Variants in DCPH1 observed in about 807,000 individuals in gnomAD.
DCPH1 encodes damage control phosphatase 1, also known as damage-control phosphatase 1.
chr6:151,457,272 C>T, the DCPH1 span, among the ~76,000 whole-genome samples: 851 of 152,292 alleles, frequency 5.6e-3, 1 homozygote, highest in Non-Finnish European at 8.1e-3. Context: ...TTCTCTGGCC[C>T]TGAGGTTAGT....
At chr6:151,461,127 C>T in the DCPH1 span, among the ~76,000 whole-genome samples, 1 of 152,130 alleles carries the variant, frequency 6.6e-6, no homozygotes, top group Admixed American at 6.5e-5. Context: ...GTCTGAAATT[C>T]GGGGTGATGG....
the DCPH1 span, chr6:151,464,435 G>A: frequency 1.9e-6 from 3 of 1,582,398 alleles, no homozygotes; most frequent in African/African-American, 2.7e-5. Flanking sequence ...GTTTCACTTT[G>A]TTTTTCTCCT....
At chr6:151,462,188 T>C in the DCPH1 span, among the ~76,000 whole-genome samples, 6 of 152,204 alleles carry the variant, frequency 3.9e-5, no homozygotes, top group African/African-American at 1.4e-4. Flanking sequence ...AGAGAAAATA[T>C]TAGATTTTTA....
At chr6:151,464,446 A>G in the DCPH1 span, 3 of 1,594,962 alleles carry the variant, frequency 1.9e-6, no homozygotes, top group Admixed American at 1.8e-5. Flanking sequence ...TTTTTCTCCT[A>G]CTTTAGTCCA....
chr6:151,454,324 G>A, the DCPH1 span, among the ~76,000 whole-genome samples: 1 of 152,196 alleles, frequency 6.6e-6, no homozygotes, highest in Non-Finnish European at 1.5e-5. Flanking sequence ...GACTCCATGG[G>A]AGAATCTGGG....
At chr6:151,461,479 T>A in the DCPH1 span, among the ~76,000 whole-genome samples, 1 of 152,188 alleles carries the variant, frequency 6.6e-6, no homozygotes, top group Non-Finnish European at 1.5e-5. Context: ...GAGATCAGCC[T>A]GGCCAACATG....
chr6:151,468,868 A>G, the DCPH1 span: 154 of 1,614,012 alleles, frequency 9.5e-5, no homozygotes, highest in Non-Finnish European at 1.2e-4. Flanking sequence ...GGCACATTTA[A>G]TTTTATTCAA....
At chr6:151,468,376 C>T in the DCPH1 span, 1 of 1,576,332 alleles carries the variant, frequency 6.3e-7, no homozygotes, top group South Asian at 1.2e-5. Flanking sequence ...TGATCTGTCT[C>T]TCTCAGGTGG....
the DCPH1 span, chr6:151,452,579 G>A: frequency 1.2e-6 from 2 of 1,610,740 alleles, no homozygotes; most frequent in South Asian, 1.1e-5. Context: ...CTCAGGACAG[G>A]ACGTGGGGTT....
At chr6:151,468,427 G>A in the DCPH1 span, 2 of 1,608,350 alleles carry the variant, frequency 1.2e-6, no homozygotes, top group East Asian at 4.5e-5. Context: ...AAATTCATTG[G>A]AAGACCTAAA....
chr6:151,457,526 T>G, the DCPH1 span, among the ~76,000 whole-genome samples: 1 of 152,218 alleles, frequency 6.6e-6, no homozygotes, highest in African/African-American at 2.4e-5. Flanking sequence ...ACTTCTTTTC[T>G]TCTATTTCTG....
chr6:151,455,891 C>A, the DCPH1 span, among the ~76,000 whole-genome samples: 24 of 152,288 alleles, frequency 1.6e-4, no homozygotes, highest in African/African-American at 5.5e-4. Flanking sequence ...TCCGGCCTTC[C>A]GCAGTTTTTG....
At chr6:151,456,005 T>C in the DCPH1 span, among the ~76,000 whole-genome samples, 1 of 152,266 alleles carries the variant, frequency 6.6e-6, no homozygotes, top group African/African-American at 2.4e-5. Flanking sequence ...CCTTAATCCA[T>C]TTAACTCCGA....
chr6:151,464,734 AGTG>A, the DCPH1 span: 5 of 662,274 alleles, frequency 7.5e-6, no homozygotes, highest in East Asian at 9.6e-5. Context: ...TTTTTTATCT[AGTG>A]GTGTTAAAAG....
the DCPH1 span, chr6:151,452,806 G>T: frequency 1.8e-6 from 1 of 545,224 alleles, no homozygotes; most frequent in East Asian, 3.3e-5. Flanking sequence ...TGCTCGTAAG[G>T]ATCAGGACAG....
the DCPH1 span, among the ~76,000 whole-genome samples, chr6:151,459,714 C>G: frequency 3.9e-5 from 6 of 152,144 alleles, no homozygotes; most frequent in Non-Finnish European, 8.8e-5. Flanking sequence ...TCACTTGAAC[C>G]TGGGAGGCGG....
chr6:151,452,997 T>A, the DCPH1 span, among the ~76,000 whole-genome samples: 9 of 152,232 alleles, frequency 5.9e-5, no homozygotes, highest in South Asian at 2.1e-4. Flanking sequence ...GTTTTTTGCT[T>A]TATAGTCGTC....
the DCPH1 span, chr6:151,469,013 G>T: frequency 3.1e-6 from 5 of 1,614,136 alleles, no homozygotes; most frequent in East Asian, 6.7e-5. Context: ...ATTCAGGTTG[G>T]TCTGCAGCCT....
At chr6:151,453,615 C>T in the DCPH1 span, among the ~76,000 whole-genome samples, 1 of 152,090 alleles carries the variant, frequency 6.6e-6, no homozygotes, top group Non-Finnish European at 1.5e-5. Context: ...TTTGAGGAAA[C>T]CTTTTGAAGA....
Sources: gnomAD v4.1 joint callset for allele counts (sites outside exome capture counted in the v4.1 genomes callset) on GRCh38, gnomAD v4.1.1 for gene constraint, MANE v1.5 for transcripts, NCBI Gene and HGNC (gene_info 2026-07-23, HGNC 2026-07-21) for gene names.